Variants in DNAH7 observed in about 807,000 individuals in gnomAD.
DNAH7 encodes the protein dynein axonemal heavy chain 7.
A neutral mutation model predicts 444.6 loss-of-function variants in DNAH7; 397 were observed. The ratio of observed to expected loss-of-function variants is 0.89; its 90% confidence interval spans 0.82 to 0.97. The LOEUF (loss-of-function observed/expected upper bound fraction) is 0.97, where lower values mean the gene tolerates loss of function less well. Ranked by LOEUF, DNAH7 falls within the 50% of genes least tolerant of loss-of-function variation. DNAH7 has a pLI of 0.00. For synonymous variants in DNAH7, 1,636 were observed against 1,624.4 expected (o/e 1.01, Z -0.17); for missense variants, 4,902 against 4,800.8 (o/e 1.02, Z -0.62).
chr2:195,767,746 GT>G (rs923256373), intron 61 of DNAH7, among the ~76,000 whole-genome samples: 4 of 151,784 alleles, frequency 2.6e-5, no homozygotes, highest in African/African-American at 9.7e-5. Context: ...CTGCCAACTA[GT>G]TTTTTATTTC....
rs747085849 is a variant in DNAH7 at position 195,806,786 on chromosome 2, T to C, written c.10130A>G (p.Asn3377Ser). 3 of 1,613,724 alleles carry C rather than the reference T, an allele frequency of 1.9e-6. No homozygotes were observed. Among genetic ancestry groups the C allele is most frequent in the Non-Finnish European group, 2.5e-6 (3 of 1,179,782 alleles). The change falls in exon 54 of 65, where the codon AAT (asparagine) becomes AGT (serine). Residue 3377 changes from asparagine (N) to serine (S), a missense_variant. Coordinates refer to ENST00000312428, the MANE Select transcript of DNAH7 (RefSeq NM_018897.3). The part of the protein sequence containing the change: ...VFPEEWEDKA[N>S]EFQRMLIIRC... ...AATAATAAGCATCCTTTGAAACTCA[T>C]TTGCTTTATCTTCCCATTCTTCAGG...
chr2:195,798,389 T>C (rs1696269392), intron 55 of DNAH7, among the ~76,000 whole-genome samples: 1 of 152,186 alleles, frequency 6.6e-6, no homozygotes, highest in Admixed American at 6.5e-5. Context: ...TGTGTTATTT[T>C]AATTGTACCA....
At position 195,965,107 on chromosome 2, in the gene DNAH7, TCTTTTATGG is replaced by T. The variant is rs1691386029; in HGVS notation, c.2206-4171_2206-4163del. On this transcript the variant is annotated intron_variant, in intron 17 of 64. Transcript: ENST00000312428. The stretch of plus-strand genomic sequence containing the variant: ...CAGTATGATACTACCTGTGGGTCTG[TCTTTTATGG>T]CTTTTATTATGTTGAGGTATGTTCC... Among the ~76,000 whole-genome samples the T allele has an allele frequency of 3.3e-5, 5 of 152,292 alleles. No homozygotes were observed. In the South Asian group the frequency reaches 1.0e-3, roughly 32 times the overall value.
At chr2:196,025,125 A>C (rs1397192910) in intron 7 of DNAH7, among the ~76,000 whole-genome samples, 1 of 152,218 alleles carries the variant, frequency 6.6e-6, no homozygotes, top group Non-Finnish European at 1.5e-5. Context: ...TTTATATCAG[A>C]GACTTAAGCA....
chr2:195,906,263 G>A (rs1208898600), intron 27 of DNAH7, among the ~76,000 whole-genome samples: 1 of 151,880 alleles, frequency 6.6e-6, no homozygotes, highest in Non-Finnish European at 1.5e-5. Flanking sequence ...TTTGGGAATT[G>A]TTCCTGGTGT....
At chr2:195,773,033 G>A (rs1407228177) in intron 60 of DNAH7, among the ~76,000 whole-genome samples, 4 of 151,908 alleles carry the variant, frequency 2.6e-5, no homozygotes, top group African/African-American at 4.8e-5. Flanking sequence ...CGCCTGCCTC[G>A]GCCTCCCAAA....
intron 58 of DNAH7, among the ~76,000 whole-genome samples, chr2:195,786,686 A>T (rs572114429): frequency 1.3e-5 from 2 of 151,678 alleles, no homozygotes; most frequent in South Asian, 4.2e-4. Context: ...TGTTTTTTAC[A>T]TTTTGGAACC....
chr2:195,965,540 CATT>C (rs1257567312), intron 17 of DNAH7, among the ~76,000 whole-genome samples: 31 of 151,940 alleles, frequency 2.0e-4, no homozygotes, highest in Non-Finnish European at 2.9e-5. Flanking sequence ...GTAGGATTGA[CATT>C]AGTTCTTTTG....
At chr2:196,052,876 G>T (rs1377524717) in intron 2 of DNAH7, among the ~76,000 whole-genome samples, 1 of 152,170 alleles carries the variant, frequency 6.6e-6, no homozygotes, top group East Asian at 1.9e-4. Context: ...ATGTTGGAGT[G>T]GATGGGGAAG....
At chr2:196,007,846 G>C (rs931626661) in intron 10 of DNAH7, among the ~76,000 whole-genome samples, 5 of 152,106 alleles carry the variant, frequency 3.3e-5, no homozygotes, top group Non-Finnish European at 5.9e-5. Flanking sequence ...AAATTACCCA[G>C]TCTCAGGTAT....
chr2:195,994,877 G>T, intron 12 of DNAH7: 1 of 409,054 alleles, frequency 2.4e-6, no homozygotes, highest in South Asian at 2.2e-5. Context: ...GACAGGCCTT[G>T]ACATTGGGCC....
At chr2:195,919,830 C>G (rs1687916143) in intron 24 of DNAH7, among the ~76,000 whole-genome samples, 1 of 152,008 alleles carries the variant, frequency 6.6e-6, no homozygotes, top group Non-Finnish European at 1.5e-5. Flanking sequence ...CTAGGGGAGG[C>G]TGAGTGAATT....
At chr2:196,027,233 T>A (rs1275692695) in intron 6 of DNAH7, among the ~76,000 whole-genome samples, 1 of 152,182 alleles carries the variant, frequency 6.6e-6, no homozygotes, top group East Asian at 1.9e-4. Flanking sequence ...TAGTGTTTTG[T>A]TAATTTTTAA....
intron 15 of DNAH7, among the ~76,000 whole-genome samples, chr2:195,975,068 A>G (rs1328983508): frequency 2.0e-5 from 3 of 152,220 alleles, no homozygotes. Flanking sequence ...CGAAGCCTCC[A>G]CTGATCATTC....
At position 195,864,411 on chromosome 2, in the gene DNAH7, A is replaced by T; in HGVS notation, c.7244T>A (p.Leu2415Gln). ...ATTTGGAATCTCCCCAGCATTTAGC[A>T]GATTACTGACATCTTCCAGAAAAGA... ...EESFLEDVSN[L>Q]LNAGEIPNLF... Residue 2415 changes from leucine (L) to glutamine (Q), a missense_variant, in exon 41 of 65, where the codon CTG (leucine) becomes CAG (glutamine). Coordinates refer to ENST00000312428, the MANE Select transcript of DNAH7 (RefSeq NM_018897.3). The T allele has an allele frequency of 1.2e-6, 2 of 1,614,218 alleles. No individual in the cohort carries two copies. Among genetic ancestry groups the T allele is most frequent in the Non-Finnish European group, 1.7e-6 (2 of 1,180,036 alleles).
chr2:195,900,632 G>C lies in DNAH7; in HGVS notation c.4336-138C>G, dbSNP rs1317858135. 10 of 749,168 alleles carry C rather than the reference G, an allele frequency of 1.3e-5. No individual in the cohort carries two copies. The Admixed American group carries it at 2.3e-4, about 17-fold the overall frequency. 46.4% of individuals were successfully genotyped at this position (749,168 alleles called of 1,614,324 possible). On this transcript the variant is annotated intron_variant, in intron 27 of 64. Coordinates refer to ENST00000312428, the MANE Select transcript of DNAH7 (RefSeq NM_018897.3). ...CATAGAAGTAGAGAGTAAAATAGTG[G>C]TAACTAGAGGCTGGGAAAGGTGAGG...
intron 3 of DNAH7, 126 bp from the exon 4 acceptor site, chr2:196,048,530 A>ACT (rs1372236424): frequency 4.2e-5 from 31 of 731,546 alleles, no homozygotes; most frequent in Non-Finnish European, 6.7e-5. Context: ...GATAGAAAAT[A>ACT]CTCAACAGTA....
intron 24 of DNAH7, among the ~76,000 whole-genome samples, chr2:195,917,995 C>A (rs570654714): frequency 6.6e-6 from 1 of 152,024 alleles, no homozygotes; most frequent in Non-Finnish European, 1.5e-5. Flanking sequence ...ACAATACAAA[C>A]GCAAGCTACA....
intron 24 of DNAH7, among the ~76,000 whole-genome samples, chr2:195,914,125 C>T (rs942565471): frequency 6.6e-6 from 1 of 152,168 alleles, no homozygotes; most frequent in Non-Finnish European, 1.5e-5. Context: ...CTAATGTTTA[C>T]CTCTAATATT....
Sources: allele counts gnomAD v4.1 joint callset (sites outside exome capture counted in the v4.1 genomes callset), GRCh38; gene constraint gnomAD v4.1.1; transcripts MANE v1.5; gene names NCBI Gene and HGNC (gene_info 2026-07-23, HGNC 2026-07-21).